The following JMY variants were observed in gnomAD, a reference collection of about 807,000 sequenced individuals.
JMY encodes junction mediating and regulatory protein, p53 cofactor.
A neutral mutation model predicts 103.3 loss-of-function variants in JMY; 46 were observed. The ratio of observed to expected loss-of-function variants is 0.45; its 90% confidence interval spans 0.35 to 0.57. The LOEUF is 0.57. Among genes scored for constraint, JMY ranks in the 20% least tolerant of loss-of-function variants. The pLI, the probability that JMY is intolerant of heterozygous loss-of-function variation, is 0.00. For missense variants in JMY, 1,238 were observed against 1,255.2 expected, an observed-to-expected ratio of 0.99 and a Z score of 0.21; for synonymous variants, 526 against 489.3, an observed-to-expected ratio of 1.07 and a Z score of -0.99.
At chr5:79,291,059 G>T in intron 3 of JMY, 71 bp from the exon 4 acceptor site, 1 of 1,081,306 alleles carries the variant, frequency 9.2e-7, no homozygotes, top group South Asian at 2.0e-5. Context: ...TGTGGTCAGT[G>T]AAATCTTTTT....
chr5:79,266,395 A>C (rs1745588320), intron 1 of JMY, among the ~76,000 whole-genome samples: 1 of 152,236 alleles, frequency 6.6e-6, no homozygotes, highest in Admixed American at 6.5e-5. Flanking sequence ...TTTCTTGACT[A>C]GTTAAGTATG....
chr5:79,294,836 C>T (rs71634968), intron 4 of JMY, among the ~76,000 whole-genome samples: 8,392 of 148,070 alleles, frequency 0.057, 529 homozygotes, highest in African/African-American at 0.15. Context: ...CAAGCCTGTG[C>T]GACAAGAGTG....
intron 1 of JMY, among the ~76,000 whole-genome samples, chr5:79,252,314 C>T (rs1745111090): frequency 6.8e-6 from 1 of 146,130 alleles, no homozygotes; most frequent in Admixed American, 6.8e-5. Context: ...TCATTTTGGT[C>T]AGAGAAAATG....
chr5:79,247,343 C>T (rs1488236752), intron 1 of JMY, among the ~76,000 whole-genome samples: 2 of 152,082 alleles, frequency 1.3e-5, no homozygotes, highest in African/African-American at 4.8e-5. Context: ...CACTCTGTCA[C>T]CCAGGCTGGA....
At chr5:79,268,290 G>A (rs1412052681) in intron 1 of JMY, among the ~76,000 whole-genome samples, 1 of 152,022 alleles carries the variant, frequency 6.6e-6, no homozygotes, top group Non-Finnish European at 1.5e-5. Context: ...GACTGTTATG[G>A]TGTCTCCCAA....
At chr5:79,291,475 G>A (rs556050361) in intron 4 of JMY, among the ~76,000 whole-genome samples, 176 bp downstream of exon 4, 9 of 152,344 alleles carry the variant, frequency 5.9e-5, no homozygotes, top group Non-Finnish European at 8.8e-5. Context: ...TAGACGTAGC[G>A]TATTTCACAG....
At chr5:79,241,448 G>A (rs1297632303) in intron 1 of JMY, among the ~76,000 whole-genome samples, 1 of 152,134 alleles carries the variant, frequency 6.6e-6, no homozygotes, top group Non-Finnish European at 1.5e-5. Flanking sequence ...ATTCCTCAAA[G>A]GACAGTGTTT....
Position 79,237,620 on chromosome 5 carries a change from A to G in JMY, c.970A>G (p.Ser324Gly), listed in dbSNP as rs2112036443. ...DDPEEYYESL[S>G]ELRQKGYEEV... ...TCCCGAGGAGTATTACGAAAGCCTCAGCGAGCTGCGGCAGAAGGGCTACGA... is the reference window on the plus strand; with the variant it reads ...TCCCGAGGAGTATTACGAAAGCCTCGGCGAGCTGCGGCAGAAGGGCTACGA... Residue 324 changes from serine to glycine, a missense_variant, in exon 1 of 11, where the codon AGC (serine) becomes GGC (glycine). Ser to Gly is a moderately conservative substitution (Grantham distance 56). Transcript: ENST00000396137. 1 of 1,613,734 alleles carries G rather than the reference A, an allele frequency of 6.2e-7. No individual in the cohort carries two copies. Among genetic ancestry groups the G allele is most frequent in the Non-Finnish European group, 8.5e-7 (1 of 1,180,010 alleles).
At chr5:79,288,560 A>G (rs945897758) in intron 2 of JMY, among the ~76,000 whole-genome samples, 5 of 151,986 alleles carry the variant, frequency 3.3e-5, no homozygotes, top group Admixed American at 6.6e-5. Context: ...TCTACTCTTA[A>G]TATTTCCAGA....
chr5:79,305,202 A>G (rs1011209114), intron 6 of JMY, among the ~76,000 whole-genome samples: 1 of 152,200 alleles, frequency 6.6e-6, no homozygotes, highest in African/African-American at 2.4e-5. Flanking sequence ...CTGTAATCCC[A>G]GCACTTTGGG....
chr5:79,244,320 A>C (rs1412404849), intron 1 of JMY, among the ~76,000 whole-genome samples: 3 of 152,096 alleles, frequency 2.0e-5, no homozygotes, highest in African/African-American at 7.2e-5. Flanking sequence ...CATAGACATG[A>C]AGTCTGGGGA....
intron 7 of JMY, among the ~76,000 whole-genome samples, chr5:79,308,526 C>T (rs1224163467): frequency 3.9e-5 from 6 of 152,102 alleles, no homozygotes; most frequent in Non-Finnish European, 8.8e-5. Flanking sequence ...TCTGTCTCTT[C>T]AGTCTATTTT....
intron 1 of JMY, among the ~76,000 whole-genome samples, chr5:79,252,337 G>GT (rs71615515): frequency 0.087 from 11,337 of 130,412 alleles, 909 homozygotes; most frequent in African/African-American, 0.22. Context: ...TGATAGTCAG[G>GT]TTTTTTTTTT....
intron 1 of JMY, among the ~76,000 whole-genome samples, chr5:79,239,486 G>A (rs1441768245): frequency 6.6e-6 from 1 of 152,046 alleles, no homozygotes; most frequent in African/African-American, 2.4e-5. Flanking sequence ...GGGCCTGTCT[G>A]ATTGTAACTT....
intron 1 of JMY, among the ~76,000 whole-genome samples, chr5:79,242,675 T>G (rs1306316667): frequency 6.6e-6 from 1 of 152,164 alleles, no homozygotes; most frequent in Non-Finnish European, 1.5e-5. Flanking sequence ...CTGTTGGGGT[T>G]CTTAATCCAA....
At chr5:79,273,556 C>A (rs1302987701) in intron 1 of JMY, among the ~76,000 whole-genome samples, 3 of 151,434 alleles carry the variant, frequency 2.0e-5, no homozygotes. Flanking sequence ...AGATTTATGT[C>A]TTTCGCCAAA....
intron 6 of JMY, among the ~76,000 whole-genome samples, chr5:79,303,577 G>A (rs1378702330): frequency 6.6e-6 from 1 of 152,228 alleles, no homozygotes; most frequent in Non-Finnish European, 1.5e-5. Flanking sequence ...CTGTGATGTA[G>A]TGCGAGGAGA....
At chr5:79,250,491 C>G (rs535237783) in intron 1 of JMY, among the ~76,000 whole-genome samples, 1 of 152,216 alleles carries the variant, frequency 6.6e-6, no homozygotes, top group African/African-American at 2.4e-5. Context: ...CAACCCTGAT[C>G]ACAATTGATT....
Position 79,314,843 on chromosome 5 carries a change from G to A in JMY, c.2651G>A (p.Arg884Lys), listed in dbSNP as rs1747167066. 1 of 1,563,798 alleles carries A rather than the reference G, an allele frequency of 6.4e-7. No homozygotes were observed. The highest frequency in any genetic ancestry group is 1.4e-5 in the African/African-American group (1 of 73,334). Residue 884 changes from arginine to lysine, a missense_variant, in exon 9 of 11, where the codon AGG becomes AAG. Coordinates refer to ENST00000396137, the MANE Select transcript of JMY (RefSeq NM_152405.5). ...AGAAAGACTGCTGAAGGTTTGCAGA[G>A]GAGGAGAGGTACGTCAACATATTTT... ...KLRKTAEGLQ[R>K]RRVSSPMDEV...
Sources: gnomAD v4.1 joint callset for allele counts (sites outside exome capture counted in the v4.1 genomes callset) on GRCh38, gnomAD v4.1.1 for gene constraint, MANE v1.5 for transcripts, NCBI Gene and HGNC (gene_info 2026-07-23, HGNC 2026-07-21) for gene names.